The following LARGE1 variants were observed in gnomAD, a reference collection of about 807,000 sequenced individuals.
LARGE1 encodes the protein LARGE xylosyl- and glucuronyltransferase 1.
Under a neutral mutation model 87.6 loss-of-function variants are expected in LARGE1, and 43 were observed. The observed-to-expected ratio is 0.49, with a 90% CI of 0.38 to 0.63. LARGE1 has a LOEUF of 0.63. LARGE1 is among the 30% of genes least tolerant of loss of function. The pLI is 0.00. For missense variants in LARGE1, 802 were observed against 1,000.2 expected (o/e 0.80, Z 2.67); for synonymous variants, 434 against 394.6 (o/e 1.10, Z -1.18).
intron 1 of LARGE1, among the ~76,000 whole-genome samples, chr22:33,847,075 G>C (rs1331840937): frequency 1.3e-5 from 2 of 152,128 alleles, no homozygotes; most frequent in African/African-American, 4.8e-5. Flanking sequence ...AGCTTGTGGG[G>C]AATCACGGAA....
At position 33,250,210 on chromosome 22, in the gene LARGE1, T is replaced by C. The variant is rs140001309; in HGVS notation, c.1730+54019A>G. ...AGTTCTTTGATGTCATTCATCATTA[T>C]AGTTTCCCTTATATAGACCTTATGC... is the stretch of plus-strand genomic sequence containing the variant. On this transcript the variant is annotated intron_variant, in intron 11 of 11. Coordinates refer to the LARGE1 transcript ENST00000608642. Among the ~76,000 whole-genome samples, 658 of 152,352 alleles carry C rather than the reference T, an allele frequency of 4.3e-3. 4 individuals are homozygous for C. Among genetic ancestry groups the C allele is most frequent in the African/African-American group, 0.014 (593 of 41,592 alleles).
chr22:33,299,220 T>C (rs8137471), intron 12 of LARGE1, among the ~76,000 whole-genome samples: 27,440 of 147,428 alleles, frequency 0.19, 5,363 homozygotes, highest in African/African-American at 0.5. Context: ...GAGGAAGCAG[T>C]ATGGAAAGAA....
chr22:33,257,062 G>A (rs538454536), intron 11 of LARGE1, among the ~76,000 whole-genome samples: 3 of 152,220 alleles, frequency 2.0e-5, no homozygotes, highest in South Asian at 2.1e-4. Context: ...AAAATTAGCC[G>A]GGCGTGGTGG....
rs1017035870 is a variant in LARGE1, at chr22:33,273,465, T to C, written c.*962A>G. The C allele has an allele frequency of 1.0e-5, 4 of 398,542 alleles. No homozygotes were observed. Among genetic ancestry groups the C allele is most frequent in the Non-Finnish European group, 1.3e-5 (3 of 226,080 alleles). The allele number at this position is 398,542 out of a possible 1,614,324, so 24.7% of individuals were successfully genotyped here. Reference sequence around the variant, plus strand: ...CGAAAGGCCTGAGAGGTTCGTACCTTGTGTGTGCACTGAAGTAGTTCCTTC... The same window carrying C: ...CGAAAGGCCTGAGAGGTTCGTACCTCGTGTGTGCACTGAAGTAGTTCCTTC... On this transcript the variant is annotated 3_prime_UTR_variant, in exon 15 of 15. Coordinates refer to ENST00000397394, the MANE Select transcript of LARGE1 (RefSeq NM_133642.5).
intron 3 of LARGE1, among the ~76,000 whole-genome samples, chr22:33,629,218 A>G (rs1375863354): frequency 6.6e-6 from 1 of 152,224 alleles, no homozygotes; most frequent in East Asian, 1.9e-4. Flanking sequence ...GGAAATGAAT[A>G]GGAAAACGCC....
At chr22:33,292,348 T>G (rs2145996698) in intron 12 of LARGE1, among the ~76,000 whole-genome samples, 1 of 152,008 alleles carries the variant, frequency 6.6e-6, no homozygotes, top group East Asian at 1.9e-4. Context: ...AATCCATCAC[T>G]GAGGTTAAGA....
intron 11 of LARGE1, among the ~76,000 whole-genome samples, chr22:33,309,572 C>T (rs1935333206): frequency 6.6e-6 from 1 of 152,236 alleles, no homozygotes; most frequent in African/African-American, 2.4e-5. Context: ...CCTCGCCAGA[C>T]ACCAAATCGA....
At chr22:33,875,092 C>G (rs1221327202) in intron 1 of LARGE1, among the ~76,000 whole-genome samples, 1 of 152,246 alleles carries the variant, frequency 6.6e-6, no homozygotes, top group Non-Finnish European at 1.5e-5. Context: ...CAACAACTCA[C>G]TCACTAGGAT....
chr22:33,779,101 T>C (rs2085338473), intron 1 of LARGE1, among the ~76,000 whole-genome samples: 1 of 152,204 alleles, frequency 6.6e-6, no homozygotes, highest in African/African-American at 2.4e-5. Flanking sequence ...TAAGTACTTG[T>C]TTGAGATGAA....
At chr22:33,068,964 C>T in the LARGE1 span, among the ~76,000 whole-genome samples, 1 of 152,188 alleles carries the variant, frequency 6.6e-6, no homozygotes, top group African/African-American at 2.4e-5. Context: ...AACTAGAAAC[C>T]TCTCATTTTT....
intron 3 of LARGE1, among the ~76,000 whole-genome samples, chr22:33,627,576 C>T (rs948559465): frequency 1.2e-4 from 19 of 152,174 alleles, no homozygotes; most frequent in African/African-American, 4.6e-4. Flanking sequence ...ACCTTGTTAT[C>T]CCAACCAGCC....
intron 11 of LARGE1, among the ~76,000 whole-genome samples, chr22:33,206,687 A>G (rs1924704758): frequency 1.3e-5 from 2 of 152,240 alleles, no homozygotes; most frequent in Non-Finnish European, 2.9e-5. Flanking sequence ...GGACAGTCCA[A>G]TAGGTCTCTG....
chr22:33,637,276 G>A (rs555916835), intron 3 of LARGE1, among the ~76,000 whole-genome samples: 2 of 152,190 alleles, frequency 1.3e-5, no homozygotes, highest in Non-Finnish European at 2.9e-5. Flanking sequence ...TTTAAAATGA[G>A]AGAGTTGCAT....
chr22:33,536,849 T>C (rs771936393), intron 6 of LARGE1, among the ~76,000 whole-genome samples: 6 of 152,256 alleles, frequency 3.9e-5, no homozygotes, highest in Non-Finnish European at 7.3e-5. Context: ...TTCACTCTTG[T>C]TGCCCAGGCC....
chr22:33,211,730 G>A (rs11089614), intron 11 of LARGE1, among the ~76,000 whole-genome samples: 8,941 of 152,118 alleles, frequency 0.059, 383 homozygotes, highest in South Asian at 0.14. Context: ...CCGAGATCGC[G>A]CCACTACACT....
At chr22:33,224,051 T>C (rs1602113611) in intron 11 of LARGE1, among the ~76,000 whole-genome samples, 1 of 152,160 alleles carries the variant, frequency 6.6e-6, no homozygotes, top group East Asian at 1.9e-4. Context: ...CCCAGAACTT[T>C]GGGAGGCCGA....
At chr22:33,068,984 G>A in the LARGE1 span, among the ~76,000 whole-genome samples, 26 of 152,330 alleles carry the variant, frequency 1.7e-4, 1 homozygote, top group South Asian at 5.0e-3. Flanking sequence ...TGTGTCTTAA[G>A]TGGTGGCCTG....
chr22:33,365,240 A>G (rs78321334), intron 9 of LARGE1, among the ~76,000 whole-genome samples: 3,471 of 152,110 alleles, frequency 0.023, 148 homozygotes, highest in African/African-American at 0.079. Flanking sequence ...TTTGTGACCT[A>G]TTACATCCAA....
At chr22:33,519,735 G>GC (rs2071480474) in intron 6 of LARGE1, among the ~76,000 whole-genome samples, 1 of 151,868 alleles carries the variant, frequency 6.6e-6, no homozygotes, top group Admixed American at 6.6e-5. Flanking sequence ...TGAAAAACAA[G>GC]GAAAAAAAAG....
Sources: allele counts gnomAD v4.1 joint callset (sites outside exome capture counted in the v4.1 genomes callset), GRCh38; gene constraint gnomAD v4.1.1; transcripts MANE v1.5; gene names NCBI Gene and HGNC (gene_info 2026-07-23, HGNC 2026-07-21).